TRAPPC9: variants seen among roughly 807,000 people sequenced by gnomAD.
The protein encoded by TRAPPC9 is trafficking protein particle complex subunit 9.
A neutral mutation model predicts 124.0 loss-of-function variants in TRAPPC9; 83 were observed. The ratio of observed to expected loss-of-function variants is 0.67; its 90% CI spans 0.56 to 0.80. TRAPPC9 has a LOEUF of 0.80. TRAPPC9 is among the 30% of genes least tolerant of loss of function. The pLI is 0.00. For synonymous variants in TRAPPC9, 638 were observed against 617.5 expected (o/e 1.03, Z -0.49); for missense variants, 1,302 against 1,508.3 (o/e 0.86, Z 2.27).
Position 140,311,387 on chromosome 8 carries a change from T to C in TRAPPC9, c.1496-13A>G. 1 of 1,613,072 alleles carries C rather than the reference T, an allele frequency of 6.2e-7. No individual in the cohort carries two copies. Among genetic ancestry groups the C allele is most frequent in the Non-Finnish European group, 8.5e-7 (1 of 1,179,874 alleles). On this transcript the variant is annotated splice_polypyrimidine_tract_variant and intron_variant, in intron 9 of 22. Coordinates refer to ENST00000438773, the MANE Select transcript of TRAPPC9 (RefSeq NM_001160372.4). ...ACATCTTTCTTTTCTGAAGAGAAGA[T>C]GAAAACAAAATAAAGATGTATTAGG...
intron 17 of TRAPPC9, among the ~76,000 whole-genome samples, chr8:140,212,165 G>A (rs1364136825): frequency 2.0e-5 from 3 of 152,248 alleles, no homozygotes; most frequent in Non-Finnish European, 4.4e-5. Flanking sequence ...AGCAGATGCG[G>A]ATGGCTGGCC....
At chr8:140,298,255 T>C (rs1317594183) in intron 11 of TRAPPC9, among the ~76,000 whole-genome samples, 3 of 152,234 alleles carry the variant, frequency 2.0e-5, no homozygotes, top group Non-Finnish European at 4.4e-5. Flanking sequence ...ACTTTATTTT[T>C]TAAGGCATTC....
intron 19 of TRAPPC9, among the ~76,000 whole-genome samples, chr8:139,948,025 G>T (rs1263121822): frequency 1.3e-5 from 2 of 150,208 alleles, no homozygotes; most frequent in African/African-American, 4.9e-5. Context: ...CTGTCCACTG[G>T]CACTTGCATG....
intron 17 of TRAPPC9, among the ~76,000 whole-genome samples, chr8:140,177,710 T>C (rs966671546): frequency 6.6e-6 from 1 of 152,130 alleles, no homozygotes; most frequent in Admixed American, 6.5e-5. Flanking sequence ...TAATATGAGG[T>C]ATTACTACCC....
In TRAPPC9 at chr8:140,144,464, T is replaced by TTTCATTCA. The variant is rs67174670; in HGVS notation, c.2556+76987_2556+76994dup. Among the ~76,000 whole-genome samples, 9 of 150,510 alleles carry TTTCATTCA rather than the reference T, an allele frequency of 6.0e-5. No homozygotes were observed. In the South Asian group the frequency reaches 6.4e-4, roughly 11 times the overall value. On this transcript the variant is annotated intron_variant, in intron 17 of 22. Coordinates refer to ENST00000438773, the MANE Select transcript of TRAPPC9 (RefSeq NM_001160372.4). ...GGCTAATGAATGAGACTATTTTTCT[T>TTTCATTCA]TTCATTCATTCATTCATTCATTCAT... is the stretch of plus-strand genomic sequence containing the variant.
At chr8:140,119,324 T>C (rs1439052708) in intron 17 of TRAPPC9, among the ~76,000 whole-genome samples, 2 of 152,218 alleles carry the variant, frequency 1.3e-5, no homozygotes, top group South Asian at 2.1e-4. Flanking sequence ...AAAAATGTTA[T>C]GCATGATAAG....
At chr8:139,803,948 C>T (rs943137842) in intron 21 of TRAPPC9, among the ~76,000 whole-genome samples, 3 of 152,018 alleles carry the variant, frequency 2.0e-5, no homozygotes, top group South Asian at 2.1e-4. Context: ...GAAAGATGGT[C>T]CCCAATCACC....
chr8:139,804,847 G>C (rs755232213), intron 21 of TRAPPC9, among the ~76,000 whole-genome samples: 11 of 152,078 alleles, frequency 7.2e-5, no homozygotes, highest in Non-Finnish European at 1.6e-4. Context: ...TCCATGCAGT[G>C]CTTCAGACAC....
At chr8:140,120,450 ATT>A (rs1157160809) in intron 17 of TRAPPC9, among the ~76,000 whole-genome samples, 1 of 152,202 alleles carries the variant, frequency 6.6e-6, no homozygotes, top group Non-Finnish European at 1.5e-5. Flanking sequence ...TTTTAAATAG[ATT>A]TTGTTTTTAA....
At chr8:139,964,244 A>AAAAAAAAT (rs59677763) in intron 19 of TRAPPC9, among the ~76,000 whole-genome samples, 2 of 138,030 alleles carry the variant, frequency 1.4e-5, no homozygotes, top group Admixed American at 1.5e-4. Flanking sequence ...AAAAAAAAAA[A>AAAAAAAAT]AGCGGGGGAG....
At chr8:139,733,472 C>T (rs1817968733) in intron 21 of TRAPPC9, among the ~76,000 whole-genome samples, 1 of 152,192 alleles carries the variant, frequency 6.6e-6, no homozygotes, top group African/African-American at 2.4e-5. Context: ...TCCTGCTGGG[C>T]AAAGGCCACC....
intron 17 of TRAPPC9, among the ~76,000 whole-genome samples, chr8:140,156,768 C>G (rs1005282532): frequency 6.6e-6 from 1 of 152,140 alleles, no homozygotes; most frequent in Non-Finnish European, 1.5e-5. Flanking sequence ...TGAGGGCTGT[C>G]AGAGGAGCTG....
intron 21 of TRAPPC9, among the ~76,000 whole-genome samples, chr8:139,793,727 A>G (rs1049374415): frequency 6.6e-6 from 1 of 152,188 alleles, no homozygotes; most frequent in Non-Finnish European, 1.5e-5. Flanking sequence ...GGTACGGTAC[A>G]CCGTGGGTGG....
intron 17 of TRAPPC9, among the ~76,000 whole-genome samples, chr8:140,187,041 T>C (rs1307304036): frequency 1.3e-5 from 2 of 152,182 alleles, no homozygotes; most frequent in African/African-American, 4.8e-5. Flanking sequence ...GTATCCCTTT[T>C]CCCAAGTGCT....
At chr8:140,271,284 T>C (rs912082252) in intron 15 of TRAPPC9, among the ~76,000 whole-genome samples, 3 of 152,196 alleles carry the variant, frequency 2.0e-5, no homozygotes, top group Admixed American at 6.5e-5. Context: ...GGTAGTATCA[T>C]TAAATTTCTC....
intron 9 of TRAPPC9, among the ~76,000 whole-genome samples, chr8:140,356,243 G>A (rs776997131): frequency 1.4e-4 from 22 of 152,314 alleles, no homozygotes; most frequent in East Asian, 1.9e-4. Context: ...CTATGTGCTC[G>A]TCCACTCTCT....
intron 17 of TRAPPC9, among the ~76,000 whole-genome samples, chr8:140,054,294 G>A (rs1842175718): frequency 6.6e-6 from 1 of 152,108 alleles, no homozygotes. Context: ...TGACAAACCT[G>A]CACATGTATC....
In TRAPPC9 at chr8:140,146,407, A is replaced by G. The variant is rs549474089; in HGVS notation, c.2556+75052T>C. Reference sequence around the variant, plus strand: ...AATAGGTTCCAAGTCGCATTTGGCCAGGAACTAAATCCCACACTCAACCTT... The same window carrying G: ...AATAGGTTCCAAGTCGCATTTGGCCGGGAACTAAATCCCACACTCAACCTT... On this transcript the variant is annotated intron_variant, in intron 17 of 22. Coordinates refer to ENST00000438773, the MANE Select transcript of TRAPPC9 (RefSeq NM_001160372.4). Among the ~76,000 whole-genome samples the G allele has an allele frequency of 1.3e-4, 20 of 152,392 alleles. No individual in the cohort carries two copies. In the South Asian group the frequency reaches 4.1e-3, roughly 32 times the overall value.
intron 16 of TRAPPC9, among the ~76,000 whole-genome samples, chr8:140,243,893 C>T (rs371589969): frequency 7.2e-5 from 11 of 152,352 alleles, no homozygotes; most frequent in African/African-American, 2.2e-4. Flanking sequence ...GGAACTGAGC[C>T]GCACAGCAGG....
Sources: gnomAD v4.1 joint callset for allele counts (sites outside exome capture counted in the v4.1 genomes callset) on GRCh38, gnomAD v4.1.1 for gene constraint, MANE v1.5 for transcripts, NCBI Gene and HGNC (gene_info 2026-07-23, HGNC 2026-07-21) for gene names.